WDR7: variants seen among roughly 807,000 people sequenced by gnomAD.
WDR7 encodes WD repeat-containing protein 7.
A neutral mutation model predicts 169.4 loss-of-function variants in WDR7; 46 were observed. The ratio of observed to expected loss-of-function variants is 0.27; its 90% CI spans 0.21 to 0.35. WDR7 has a LOEUF of 0.35. WDR7 is among the 10% of genes least tolerant of loss of function. The probability of loss-of-function intolerance (pLI) is 1.00; values close to 1 mark genes in which losing one functional copy is unlikely to be tolerated. For synonymous variants in WDR7, 612 were observed against 666.8 expected, an observed-to-expected ratio of 0.92 and a Z score of 1.27; for missense variants, 1,534 against 1,859.3, an observed-to-expected ratio of 0.83 and a Z score of 3.22.
At chr18:57,035,094 T>C in the WDR7 span, 2 of 152,222 alleles carry the variant, frequency 1.3e-5, no homozygotes, top group Non-Finnish European at 2.9e-5. Flanking sequence ...TTTCTTTGCT[T>C]GAAGATAATG....
intron 22 of WDR7, among the ~76,000 whole-genome samples, chr18:56,924,689 A>T (rs912285549): frequency 2.0e-5 from 3 of 152,184 alleles, no homozygotes; most frequent in South Asian, 2.1e-4. Context: ...TTGATGGGGC[A>T]GGGGGTCCTA....
At chr18:56,699,030 A>G (rs1278849300) in intron 12 of WDR7, among the ~76,000 whole-genome samples, 1 of 152,216 alleles carries the variant, frequency 6.6e-6, no homozygotes, top group Non-Finnish European at 1.5e-5. Context: ...TTAAAATGAA[A>G]GTTAAATTTT....
chr18:56,977,745 A>G (rs1267433925), intron 26 of WDR7, among the ~76,000 whole-genome samples: 1 of 152,242 alleles, frequency 6.6e-6, no homozygotes, highest in Non-Finnish European at 1.5e-5. Context: ...TGAAAACATT[A>G]TATAAGAAGG....
intron 26 of WDR7, among the ~76,000 whole-genome samples, chr18:56,978,722 T>C (rs1330076730): frequency 1.3e-5 from 2 of 152,176 alleles, no homozygotes; most frequent in Non-Finnish European, 2.9e-5. Context: ...AGGTGACATA[T>C]CAGAATCATG....
At chr18:56,972,374 C>T (rs2047500880) in intron 26 of WDR7, among the ~76,000 whole-genome samples, 1 of 152,172 alleles carries the variant, frequency 6.6e-6, no homozygotes. Context: ...GAGCTTCGGG[C>T]ACAGTTTTCA....
chr18:56,836,631 C>T (rs993391374), intron 20 of WDR7, among the ~76,000 whole-genome samples: 2 of 151,964 alleles, frequency 1.3e-5, no homozygotes, highest in Non-Finnish European at 2.9e-5. Flanking sequence ...CATTTTCTTG[C>T]GTCTATTTTC....
At chr18:56,794,304 A>ATTTTTTTTTTCTTTTTTTTTTTTT (rs2044544306) in intron 19 of WDR7, among the ~76,000 whole-genome samples, 2 of 49,466 alleles carry the variant, frequency 4.0e-5, no homozygotes, top group Non-Finnish European at 7.6e-5. Flanking sequence ...GGTAAAGTCT[A>ATTTTTTTTTTCTTTTTTTTTTTTT]TTTTTTTTTT....
At chr18:56,704,984 A>T (rs1219981455) in intron 12 of WDR7, among the ~76,000 whole-genome samples, 1 of 152,138 alleles carries the variant, frequency 6.6e-6, no homozygotes, top group African/African-American at 2.4e-5. Context: ...ATGAGTTTAC[A>T]TTTCATTTTT....
intron 1 of WDR7, among the ~76,000 whole-genome samples, chr18:56,656,832 A>G (rs1363313296): frequency 6.6e-6 from 1 of 152,196 alleles, no homozygotes; most frequent in African/African-American, 2.4e-5. Flanking sequence ...GAAAATTGAT[A>G]TCTTTATAAT....
chr18:57,005,556 G>A (rs1026319193), intron 26 of WDR7, among the ~76,000 whole-genome samples: 1 of 152,136 alleles, frequency 6.6e-6, no homozygotes, highest in Non-Finnish European at 1.5e-5. Context: ...ACTTATGGTG[G>A]TTCTTCTGAG....
At chr18:56,976,849 C>T (rs556472328) in intron 26 of WDR7, among the ~76,000 whole-genome samples, 23 of 152,316 alleles carry the variant, frequency 1.5e-4, no homozygotes, top group African/African-American at 5.1e-4. Flanking sequence ...CTCACCCTTC[C>T]CTGAGCACAA....
At chr18:56,932,015 AC>A (rs2145675401) in intron 22 of WDR7, among the ~76,000 whole-genome samples, 1 of 152,312 alleles carries the variant, frequency 6.6e-6, no homozygotes, top group East Asian at 1.9e-4. Context: ...AAGTAGGGCA[AC>A]CAGGAAATAA....
intron 21 of WDR7, among the ~76,000 whole-genome samples, chr18:56,906,212 T>G (rs1404588253): frequency 6.6e-6 from 1 of 152,124 alleles, no homozygotes; most frequent in Non-Finnish European, 1.5e-5. Context: ...AGAAAACACT[T>G]TAAATATTGT....
intron 26 of WDR7, among the ~76,000 whole-genome samples, chr18:57,007,853 G>A (rs1394485298): frequency 6.6e-6 from 1 of 151,952 alleles, no homozygotes; most frequent in Non-Finnish European, 1.5e-5. Flanking sequence ...ACTCTTCATG[G>A]ACTTTCTCAA....
Position 56,819,824 on chromosome 18 carries a change from A to G in WDR7, c.3304+3680A>G, listed in dbSNP as rs545185264. Among the ~76,000 whole-genome samples, 34 of 152,280 alleles carry G rather than the reference A, an allele frequency of 2.2e-4. 1 individual carries two copies. In the South Asian group the frequency reaches 6.2e-3, roughly 28 times the overall value. On this transcript the variant is annotated intron_variant, in intron 20 of 27. Transcript: ENST00000254442. ...ATTCTAGATTATAATTTGAGTCACA[A>G]GAAGAGTACTGTATACCTGTGTGTT... is the stretch of plus-strand genomic sequence containing the variant.
At chr18:56,941,305 A>G (rs1204085724) in intron 25 of WDR7, among the ~76,000 whole-genome samples, 1 of 152,122 alleles carries the variant, frequency 6.6e-6, no homozygotes, top group Non-Finnish European at 1.5e-5. Flanking sequence ...AATAATAATA[A>G]TAATAACCTG....
chr18:57,010,320 T>C (rs956242183), intron 26 of WDR7: 1 of 979,312 alleles, frequency 1.0e-6, no homozygotes, highest in African/African-American at 1.8e-5. Flanking sequence ...AAATATTTGA[T>C]AATTTATTCA....
Position 57,020,869 on chromosome 18 carries a change from G to T in WDR7, c.4269+20G>T. On this transcript the variant is annotated intron_variant, in intron 27 of 27. Transcript: ENST00000254442. The stretch of plus-strand genomic sequence containing the variant: ...TGGCAGGTAAGAGTAGATGCTCCAG[G>T]GTCTTAAAGCATATACTGCGTGATA... 6.2e-7 allele frequency: 1 copy of T among 1,610,400 alleles called. No individual in the cohort carries two copies. Among genetic ancestry groups the T allele is most frequent in the Non-Finnish European group, 8.5e-7 (1 of 1,176,698 alleles).
rs944833197 is a variant in WDR7 at position 56,686,823 on chromosome 18, A to C, written c.598-32A>C. The C allele has an allele frequency of 2.1e-6, 3 of 1,461,432 alleles. No individual in the cohort carries two copies. In the African/African-American group the frequency reaches 4.6e-5, roughly 22 times the overall value. The allele number at this position is 1,461,432 out of a possible 1,614,324, so 90.5% of individuals were successfully genotyped here. A position where few individuals can be genotyped will look rare whatever the true frequency, so the allele number is the denominator to read the frequency against. ...GATAATTTTAATTGACAATCATGCT[A>C]TTCCTAAATTTTTACAAATCTTTCT... is the stretch of plus-strand genomic sequence containing the variant. On this transcript the variant is annotated intron_variant, in intron 6 of 27. Coordinates refer to ENST00000254442, the MANE Select transcript of WDR7 (RefSeq NM_015285.3).
Sources: allele counts gnomAD v4.1 joint callset (sites outside exome capture counted in the v4.1 genomes callset), GRCh38; gene constraint gnomAD v4.1.1; transcripts MANE v1.5; gene names NCBI Gene and HGNC (gene_info 2026-07-23, HGNC 2026-07-21).